The following ERVK3-1 variants were observed in gnomAD, a reference collection of about 807,000 sequenced individuals.
The protein encoded by ERVK3-1 is endogenous retrovirus group K3 member 1.
chr19:58,309,639 G>C (rs2051544396), intron 2 of ERVK3-1: 1 of 152,214 alleles, frequency 6.6e-6, no homozygotes, highest in African/African-American at 2.4e-5. Flanking sequence ...AACCACAAAA[G>C]TCTTTGGTTT....
rs575146928 is a variant in ERVK3-1, at chr19:58,314,393, G to A, written c.295-355G>A. On this transcript the variant is annotated intron_variant, in intron 3 of 3. Transcript: ENST00000413518. ...TATAATCCCAGCACTTTGGGAGGCC[G>A]AGGCAGGCAGATCACGAGGTCAGAA... Among the ~76,000 whole-genome samples, 33 of 151,990 alleles carry A rather than the reference G, an allele frequency of 2.2e-4. 1 individual carries two copies. In the South Asian group the frequency reaches 3.8e-3, roughly 17 times the overall value.
At chr19:58,314,136 T>C (rs985760431) in intron 3 of ERVK3-1, among the ~76,000 whole-genome samples, 2 of 152,218 alleles carry the variant, frequency 1.3e-5, no homozygotes, top group Non-Finnish European at 2.9e-5. Flanking sequence ...CATATTCATA[T>C]TTGTGTGACC....
Position 58,312,543 on chromosome 19 carries a change from C to T in ERVK3-1, c.294+81C>T, listed in dbSNP as rs1307080385. On this transcript the variant is annotated intron_variant, in intron 3 of 3. Transcript: ENST00000413518. This position sits in a 1 kb window ranked among gnomAD's most constrained non-coding sequence, Gnocchi z 4.7. ...TGGTAGTACGACTGGTACTCTGGAG[C>T]GACACTCCTCCTGAGATATATTATG... 2.3e-5 allele frequency: 9 copies of T among 398,910 alleles called. No individual in the cohort carries two copies. The highest frequency in any genetic ancestry group is 4.0e-5 in the Non-Finnish European group (9 of 226,022). 24.7% of individuals were successfully genotyped at this position (398,910 alleles called of 1,614,324 possible).
chr19:58,316,320 T>G (rs1231268530), downstream of ERVK3-1, among the ~76,000 whole-genome samples: 1 of 152,068 alleles, frequency 6.6e-6, no homozygotes, highest in Non-Finnish European at 1.5e-5. Flanking sequence ...AGGCCACCCC[T>G]CTCTTTAAAC....
At chr19:58,308,776 G>A (rs755915117) in intron 2 of ERVK3-1, among the ~76,000 whole-genome samples, 7 of 152,184 alleles carry the variant, frequency 4.6e-5, no homozygotes, top group Non-Finnish European at 8.8e-5. Flanking sequence ...TATCACAGGA[G>A]AAAACTGACT....
chr19:58,312,526 C>T lies in ERVK3-1; in HGVS notation c.294+64C>T, dbSNP rs1465676395. 8 of 399,322 alleles carry T rather than the reference C, an allele frequency of 2.0e-5. No individual in the cohort carries two copies. The highest frequency in any genetic ancestry group is 1.8e-4 in the East Asian group (5 of 28,084). 24.7% of individuals were successfully genotyped at this position (399,322 alleles called of 1,614,324 possible). Reference sequence around the variant, plus strand: ...ATATGTTCCTAACCCACTGGTAGTACGACTGGTACTCTGGAGCGACACTCC... The same window carrying T: ...ATATGTTCCTAACCCACTGGTAGTATGACTGGTACTCTGGAGCGACACTCC... On this transcript the variant is annotated intron_variant, in intron 3 of 3. Transcript: ENST00000413518. The surrounding 1 kb of genome is among the most constrained non-coding windows in gnomAD (Gnocchi z 4.7).
chr19:58,307,211 G>A (rs917964679), intron 2 of ERVK3-1, among the ~76,000 whole-genome samples: 4 of 152,310 alleles, frequency 2.6e-5, no homozygotes, highest in Admixed American at 6.5e-5. Context: ...AATCTTTTCC[G>A]CATATCATGC....
rs2051572640 is a variant in ERVK3-1 at position 58,313,831 on chromosome 19, T to TA, written c.295-916dup. The stretch of plus-strand genomic sequence containing the variant: ...CTTTACATTTTGTAAAACTCCTTCT[T>TA]ACCCAGCTCACTCATCGTGCACGTA... On this transcript the variant is annotated intron_variant, in intron 3 of 3. Transcript: ENST00000413518. The surrounding 1 kb of genome is among the most constrained non-coding windows in gnomAD (Gnocchi z 4.5). Among the ~76,000 whole-genome samples, 1 of 152,206 alleles carries TA rather than the reference T, an allele frequency of 6.6e-6. No individual in the cohort carries two copies. Among genetic ancestry groups the TA allele is most frequent in the Non-Finnish European group, 1.5e-5 (1 of 68,040 alleles).
intron 2 of ERVK3-1, chr19:58,306,490 C>T (rs112824773): frequency 2.6e-5 from 4 of 152,152 alleles, no homozygotes; most frequent in Admixed American, 2.0e-4. Flanking sequence ...TAAAGTGGAT[C>T]CTTCTATTTT....
At chr19:58,307,294 C>T (rs758808587) in intron 2 of ERVK3-1, among the ~76,000 whole-genome samples, 2 of 152,236 alleles carry the variant, frequency 1.3e-5, no homozygotes, top group Admixed American at 6.5e-5. Context: ...ATTCCTCATA[C>T]TGCTCCTGCG....
rs1054771163 is a variant in ERVK3-1 at position 58,310,760 on chromosome 19, T to G, written c.-3-1406T>G. Reference sequence around the variant, plus strand: ...CCGGATAACTGTGGGCGAGCCTGACTAATGTCAGGCCCTCCACAAGAGGTG... The same window carrying G: ...CCGGATAACTGTGGGCGAGCCTGACGAATGTCAGGCCCTCCACAAGAGGTG... On this transcript the variant is annotated intron_variant, in intron 2 of 3. Transcript: ENST00000413518. This position sits in a 1 kb window ranked among gnomAD's most constrained non-coding sequence, Gnocchi z 4.7. 1 of 249,608 alleles carries G rather than the reference T, an allele frequency of 4.0e-6. No individual in the cohort carries two copies. Among genetic ancestry groups the G allele is most frequent in the African/African-American group, 2.3e-5 (1 of 43,622 alleles). 15.5% of individuals were successfully genotyped at this position (249,608 alleles called of 1,614,324 possible).
chr19:58,309,610 C>T (rs897456194), intron 2 of ERVK3-1: 3 of 152,222 alleles, frequency 2.0e-5, no homozygotes, highest in Non-Finnish European at 4.4e-5. Context: ...GCTTCAGCAA[C>T]GACATGCCTC....
chr19:58,312,859 C>G lies in ERVK3-1; in HGVS notation c.294+397C>G, dbSNP rs1035269986. 1 of 156,776 alleles carries G rather than the reference C, an allele frequency of 6.4e-6. No homozygotes were observed. Among genetic ancestry groups the G allele is most frequent in the Non-Finnish European group, 1.4e-5 (1 of 71,218 alleles). The allele number at this position is 156,776 out of a possible 1,614,324, so 9.7% of individuals were successfully genotyped here. A position where few individuals can be genotyped will look rare whatever the true frequency, so the allele number is the denominator to read the frequency against. ...GGGCTCCCTTTGATATTTCTCACCCCCCTCCTTGGACCCAGTGTCTTGGCC... is the reference window on the plus strand; with the variant it reads ...GGGCTCCCTTTGATATTTCTCACCCGCCTCCTTGGACCCAGTGTCTTGGCC... On this transcript the variant is annotated intron_variant, in intron 3 of 3. Transcript: ENST00000413518. The surrounding 1 kb of genome is among the most constrained non-coding windows in gnomAD (Gnocchi z 4.7).
exon 4 of ERVK3-1, chr19:58,314,853 A>G (rs1267912656): frequency 2.5e-6 from 1 of 399,602 alleles, no homozygotes; most frequent in East Asian, 3.6e-5. Context: ...TGGAGGCCGA[A>G]GGAATGAGGG....
chr19:58,310,959 T>C lies in ERVK3-1; in HGVS notation c.-3-1207T>C, dbSNP rs1179259163. The C allele has an allele frequency of 3.3e-5, 9 of 269,936 alleles. No homozygotes were observed. Among genetic ancestry groups the C allele is most frequent in the East Asian group, 1.1e-4 (1 of 8,826 alleles). The allele number at this position is 269,936 out of a possible 1,614,324, so 16.7% of individuals were successfully genotyped here. A position where few individuals can be genotyped will look rare whatever the true frequency, so the allele number is the denominator to read the frequency against. Reference sequence around the variant, plus strand: ...CAAGGAGCCCTCTGGTGGCCCTGTCTGGGCATAACAGAAGGCTCGCACTCT... The same window carrying C: ...CAAGGAGCCCTCTGGTGGCCCTGTCCGGGCATAACAGAAGGCTCGCACTCT... On this transcript the variant is annotated intron_variant, in intron 2 of 3. Transcript: ENST00000413518. The surrounding 1 kb of genome is among the most constrained non-coding windows in gnomAD (Gnocchi z 4.7).
chr19:58,314,959 G>A (rs935882007), exon 4 of ERVK3-1: 1 of 391,074 alleles, frequency 2.6e-6, no homozygotes, highest in Non-Finnish European at 4.5e-6. Flanking sequence ...AACTCTGTCT[G>A]CCGCCAGAAG....
At chr19:58,316,245 C>T (rs551070768), downstream of ERVK3-1, among the ~76,000 whole-genome samples, 90 of 152,302 alleles carry the variant, frequency 5.9e-4, no homozygotes, top group East Asian at 3.7e-3. Context: ...TCCTGCCTCC[C>T]GTTGCCCCCT....
At chr19:58,314,076 A>G (rs1428577901) in intron 3 of ERVK3-1, among the ~76,000 whole-genome samples, 2 of 152,338 alleles carry the variant, frequency 1.3e-5, no homozygotes, top group Middle Eastern at 3.4e-3. Flanking sequence ...TGGCTGGGAA[A>G]GCAGGTACAA....
chr19:58,315,170 A>C, exon 4 of ERVK3-1: 1 of 171,226 alleles, frequency 5.8e-6, no homozygotes, highest in Non-Finnish European at 1.2e-5. Context: ...GTTCCCTAAT[A>C]TCAAGGAGCC....
Sources: gnomAD v4.1 joint callset for allele counts (sites outside exome capture counted in the v4.1 genomes callset) on GRCh38, gnomAD v4.1.1 for gene constraint, Gnocchi (gnomAD v3.1) non-coding constraint, MANE v1.5 for transcripts, NCBI Gene and HGNC (gene_info 2026-07-23, HGNC 2026-07-21) for gene names.